CATSPERT: variants seen among roughly 807,000 people sequenced by gnomAD.
CATSPERT encodes the protein cation channel sperm-associated targeting subunit tau.
At chr2:201,572,011 G>A in the CATSPERT span, 2 of 1,611,960 alleles carry the variant, frequency 1.2e-6, no homozygotes, top group Non-Finnish European at 1.7e-6. Flanking sequence ...ATTTTCTGAA[G>A]AGGTTTTAAC....
chr2:201,602,459 T>C, the CATSPERT span, among the ~76,000 whole-genome samples: 1 of 152,132 alleles, frequency 6.6e-6, no homozygotes. Flanking sequence ...CAAATCTCCA[T>C]AATGAGGCTG....
chr2:201,560,331 G>A, the CATSPERT span, among the ~76,000 whole-genome samples: 1 of 151,760 alleles, frequency 6.6e-6, no homozygotes, highest in Non-Finnish European at 1.5e-5. Context: ...GCTGAGGCAC[G>A]AGAACTCCTT....
chr2:201,577,611 A>T, the CATSPERT span, among the ~76,000 whole-genome samples: 1 of 152,228 alleles, frequency 6.6e-6, no homozygotes, highest in African/African-American at 2.4e-5. Flanking sequence ...GGAGAATTTT[A>T]TTCTAAGTGA....
At chr2:201,556,439 G>C in the CATSPERT span, among the ~76,000 whole-genome samples, 1 of 151,824 alleles carries the variant, frequency 6.6e-6, no homozygotes, top group East Asian at 1.9e-4. Flanking sequence ...AACCCGGGAG[G>C]CGGAGCTTGC....
chr2:201,549,744 C>A, the CATSPERT span: 1 of 152,040 alleles, frequency 6.6e-6, no homozygotes, highest in East Asian at 1.9e-4. Context: ...CTCTTTAGTC[C>A]TTTATGTTAT....
chr2:201,517,548 T>C, the CATSPERT span, among the ~76,000 whole-genome samples: 1 of 152,224 alleles, frequency 6.6e-6, no homozygotes, highest in Non-Finnish European at 1.5e-5. Context: ...CACAGTTTTA[T>C]AGATGCTGCC....
At chr2:201,596,188 A>G in the CATSPERT span, among the ~76,000 whole-genome samples, 4 of 152,378 alleles carry the variant, frequency 2.6e-5, no homozygotes, top group Non-Finnish European at 4.4e-5. Context: ...AAGCCCATCA[A>G]TGATAGACTG....
chr2:201,502,802 C>A, the CATSPERT span, among the ~76,000 whole-genome samples: 2 of 151,926 alleles, frequency 1.3e-5, no homozygotes, highest in Non-Finnish European at 2.9e-5. Context: ...AATATTTTGA[C>A]CATTTTCTTC....
chr2:201,575,481 A>C, the CATSPERT span, among the ~76,000 whole-genome samples: 1 of 152,202 alleles, frequency 6.6e-6, no homozygotes, highest in Non-Finnish European at 1.5e-5. Context: ...AGTGGTGGGC[A>C]AGCGAGCAAA....
the CATSPERT span, among the ~76,000 whole-genome samples, chr2:201,583,372 A>C: frequency 1.7e-4 from 26 of 152,336 alleles, no homozygotes; most frequent in Admixed American, 4.6e-4. Flanking sequence ...GCTGCAAGGA[A>C]AGTTGTACTG....
the CATSPERT span, among the ~76,000 whole-genome samples, chr2:201,546,815 C>G: frequency 6.6e-6 from 1 of 152,240 alleles, no homozygotes; most frequent in Admixed American, 6.5e-5. Context: ...CACACATAAA[C>G]TTGCACATAA....
chr2:201,605,844 T>C, the CATSPERT span, among the ~76,000 whole-genome samples: 17 of 152,112 alleles, frequency 1.1e-4, no homozygotes, highest in African/African-American at 3.1e-4. Context: ...AAAACAGAAG[T>C]TGACCAAAGA....
the CATSPERT span, among the ~76,000 whole-genome samples, chr2:201,561,945 T>C: frequency 6.6e-6 from 1 of 151,974 alleles, no homozygotes; most frequent in Admixed American, 6.6e-5. Context: ...ACTTTTCTTA[T>C]AATAAAATTC....
the CATSPERT span, among the ~76,000 whole-genome samples, chr2:201,525,652 C>G: frequency 3.9e-5 from 6 of 151,914 alleles, no homozygotes; most frequent in Non-Finnish European, 7.4e-5. Context: ...GATGTGAAAA[C>G]TGACACAAAA....
chr2:201,598,085 GT>G, the CATSPERT span, among the ~76,000 whole-genome samples: 1 of 151,984 alleles, frequency 6.6e-6, no homozygotes, highest in Non-Finnish European at 1.5e-5. Flanking sequence ...ATGGTTTTTT[GT>G]TGTTTTTGTT....
chr2:201,589,263 T>C, the CATSPERT span, among the ~76,000 whole-genome samples: 1 of 152,100 alleles, frequency 6.6e-6, no homozygotes, highest in South Asian at 2.1e-4. Flanking sequence ...TACTTTAAAA[T>C]TCATATAGAA....
chr2:201,603,344 A>G, the CATSPERT span: 6 of 1,334,340 alleles, frequency 4.5e-6, no homozygotes. Flanking sequence ...TTCACTTTAC[A>G]CTGAGCTCTA....
At chr2:201,487,608 T>G in the CATSPERT span, 41 of 1,608,586 alleles carry the variant, frequency 2.5e-5, no homozygotes, top group African/African-American at 5.1e-4. Flanking sequence ...TGAGCGAACA[T>G]TTTTCAATAT....
At chr2:201,510,093 T>C in the CATSPERT span, among the ~76,000 whole-genome samples, 2 of 150,724 alleles carry the variant, frequency 1.3e-5, no homozygotes, top group African/African-American at 5.0e-5. Context: ...TCTCTCTCCA[T>C]GTTGGCTTTT....
Sources: allele counts gnomAD v4.1 joint callset (sites outside exome capture counted in the v4.1 genomes callset), GRCh38; gene constraint gnomAD v4.1.1; transcripts MANE v1.5; gene names NCBI Gene and HGNC (gene_info 2026-07-23, HGNC 2026-07-21).